The following KIAA0825 variants were observed in gnomAD, a reference collection of about 807,000 sequenced individuals.
KIAA0825 encodes the protein uncharacterized protein KIAA0825.
A neutral mutation model predicts 147.6 loss-of-function variants in KIAA0825; 119 were observed. The observed-to-expected ratio is 0.81, with a 90% CI of 0.69 to 0.94. The LOEUF (loss-of-function observed/expected upper bound fraction) is 0.94, where lower values mean the gene tolerates loss of function less well. KIAA0825 is among the 40% of genes least tolerant of loss of function. The pLI is 0.00. For missense variants in KIAA0825, 1,381 were observed against 1,472.7 expected, an observed-to-expected ratio of 0.94 and a Z score of 1.02; for synonymous variants, 470 against 518.1, an observed-to-expected ratio of 0.91 and a Z score of 1.26.
At position 94,520,622 on chromosome 5, in the gene KIAA0825, A is replaced by G; in HGVS notation, c.596T>C (p.Leu199Pro). Reference protein sequence around the residue: ...ILLKKQCLQQLLFLYPESEVI... With the variant: ...ILLKKQCLQQPLFLYPESEVI... Reference sequence around the variant, plus strand: ...TTCTGATTCTGGATAAAGAAACAAGAGTTGTTGTAAGCACTGCTTTTTCAA... The same window carrying G: ...TTCTGATTCTGGATAAAGAAACAAGGGTTGTTGTAAGCACTGCTTTTTCAA... The change falls in exon 5 of 21, where the codon CTC becomes CCC. Residue 199 changes from leucine to proline, a missense_variant. Physicochemically the swap from Leu to Pro is moderately conservative, Grantham distance 98. Transcript: ENST00000682413. The G allele has an allele frequency of 4.3e-6, 7 of 1,613,326 alleles. No individual in the cohort carries two copies. The highest frequency in any genetic ancestry group is 5.1e-6 in the Non-Finnish European group (6 of 1,179,492).
At chr5:94,523,721 AATTTT>A (rs916406500) in intron 4 of KIAA0825, among the ~76,000 whole-genome samples, 4 of 151,492 alleles carry the variant, frequency 2.6e-5, no homozygotes, top group African/African-American at 9.7e-5. Flanking sequence ...ATTTATATAA[AATTTT>A]ATTTTATTGA....
At chr5:94,583,320 A>G in intron 1 of KIAA0825, among the ~76,000 whole-genome samples, 1 of 152,148 alleles carries the variant, frequency 6.6e-6, no homozygotes, top group East Asian at 1.9e-4. Flanking sequence ...CACTCTTCCC[A>G]TGGTCTTTGC....
chr5:94,192,463 AATATACT>A (rs1169331333), intron 20 of KIAA0825, among the ~76,000 whole-genome samples: 1 of 152,238 alleles, frequency 6.6e-6, no homozygotes, highest in African/African-American at 2.4e-5. Context: ...GGTAAAAAGA[AATATACT>A]ATATATGTTT....
intron 20 of KIAA0825, among the ~76,000 whole-genome samples, chr5:94,265,497 A>G (rs1040205246): frequency 4.6e-5 from 7 of 152,142 alleles, no homozygotes; most frequent in South Asian, 2.1e-4. Context: ...CCACGTACTT[A>G]TATTAATACT....
intron 20 of KIAA0825, among the ~76,000 whole-genome samples, chr5:94,292,708 A>G (rs1777953916): frequency 1.3e-5 from 2 of 151,954 alleles, no homozygotes; most frequent in Non-Finnish European, 2.9e-5. Context: ...TCCTCTTTGT[A>G]CCTCTGGTAG....
At chr5:94,340,758 C>G (rs945533639) in intron 20 of KIAA0825, among the ~76,000 whole-genome samples, 4 of 152,146 alleles carry the variant, frequency 2.6e-5, no homozygotes, top group African/African-American at 4.8e-5. Flanking sequence ...CTTGAAGTAT[C>G]AAGCATAAAC....
chr5:94,256,589 AT>A (rs1776265456), intron 20 of KIAA0825, among the ~76,000 whole-genome samples: 1 of 152,126 alleles, frequency 6.6e-6, no homozygotes, highest in African/African-American at 2.4e-5. Context: ...TCATCTTCTG[AT>A]TTTTAAAGTA....
At chr5:94,397,474 C>CT (rs1368827999) in intron 16 of KIAA0825, among the ~76,000 whole-genome samples, 3 of 152,196 alleles carry the variant, frequency 2.0e-5, no homozygotes, top group Non-Finnish European at 4.4e-5. Context: ...TTTTTACAAA[C>CT]TTATAAAGAC....
At chr5:94,549,587 C>T (rs950740777) in intron 2 of KIAA0825, among the ~76,000 whole-genome samples, 11 of 152,134 alleles carry the variant, frequency 7.2e-5, no homozygotes, top group African/African-American at 2.7e-4. Context: ...GTGGCAGGTG[C>T]CTGCAATCCC....
chr5:94,171,515 T>A (rs1341887051), intron 20 of KIAA0825, among the ~76,000 whole-genome samples: 1 of 152,176 alleles, frequency 6.6e-6, no homozygotes, highest in Non-Finnish European at 1.5e-5. Context: ...GTTTATCATG[T>A]TTACCACATT....
At chr5:94,193,853 G>A (rs1404261906) in intron 20 of KIAA0825, among the ~76,000 whole-genome samples, 2 of 152,144 alleles carry the variant, frequency 1.3e-5, no homozygotes, top group Non-Finnish European at 2.9e-5. Flanking sequence ...TCATCTCTTA[G>A]CACTTTGTGA....
intron 20 of KIAA0825, among the ~76,000 whole-genome samples, chr5:94,238,378 T>C (rs1775172466): frequency 6.6e-6 from 1 of 152,218 alleles, no homozygotes; most frequent in Admixed American, 6.5e-5. Context: ...CAATGTGCTC[T>C]CAGTTTTATA....
intron 2 of KIAA0825, among the ~76,000 whole-genome samples, chr5:94,560,693 C>A (rs895457151): frequency 4.6e-5 from 7 of 152,184 alleles, no homozygotes; most frequent in Non-Finnish European, 8.8e-5. Flanking sequence ...TCCGTAAGAT[C>A]TTAAATGGTC....
At chr5:94,455,207 G>A (rs942499726) in intron 12 of KIAA0825, among the ~76,000 whole-genome samples, 10 of 151,636 alleles carry the variant, frequency 6.6e-5, no homozygotes, top group African/African-American at 2.4e-4. Context: ...CCAAAAAAAA[G>A]GAACGTAAGA....
chr5:94,420,740 A>AGAAG (rs1226447033), intron 14 of KIAA0825, among the ~76,000 whole-genome samples: 1 of 152,112 alleles, frequency 6.6e-6, no homozygotes, highest in Admixed American at 6.6e-5. Flanking sequence ...AGGGAAGAAA[A>AGAAG]GAAGGAAGGA....
intron 13 of KIAA0825, 101 bp from the exon 14 acceptor site, chr5:94,440,222 T>C (rs1024674257): frequency 1.6e-5 from 18 of 1,160,212 alleles, no homozygotes; most frequent in Non-Finnish European, 2.2e-5. Context: ...TAAATGTCAA[T>C]TCCTCCCTGA....
chr5:94,205,780 G>C (rs1443257650), intron 20 of KIAA0825, among the ~76,000 whole-genome samples: 2 of 152,124 alleles, frequency 1.3e-5, no homozygotes, highest in Non-Finnish European at 2.9e-5. Flanking sequence ...CTCTGAAAAA[G>C]TGTAAGACGC....
chr5:94,272,976 C>G (rs1357630709), intron 20 of KIAA0825, among the ~76,000 whole-genome samples: 1 of 152,182 alleles, frequency 6.6e-6, no homozygotes, highest in African/African-American at 2.4e-5. Flanking sequence ...TGAAAGATGA[C>G]AGACAATAAA....
chr5:94,256,156 T>C lies in KIAA0825; in HGVS notation c.3711-102032A>G, dbSNP rs144903384. Reference sequence around the variant, plus strand: ...GTAAAATGAGGAGCTGTTTGGGAAATAGGTCTTAACACTAATGTGATTCAA... The same window carrying C: ...GTAAAATGAGGAGCTGTTTGGGAAACAGGTCTTAACACTAATGTGATTCAA... On this transcript the variant is annotated intron_variant, in intron 20 of 20. Coordinates refer to ENST00000682413, the MANE Select transcript of KIAA0825 (RefSeq NM_001145678.3). 1.1e-4 allele frequency among the ~76,000 whole-genome samples: 17 copies of C among 152,198 alleles called. No individual in the cohort carries two copies. In the East Asian group the frequency reaches 2.9e-3, roughly 26 times the overall value.
Sources: allele counts gnomAD v4.1 joint callset (sites outside exome capture counted in the v4.1 genomes callset), GRCh38; gene constraint gnomAD v4.1.1; transcripts MANE v1.5; gene names NCBI Gene and HGNC (gene_info 2026-07-23, HGNC 2026-07-21).